Variants in PABPC4L observed in about 807,000 individuals in gnomAD.
PABPC4L encodes the protein poly(A) binding protein cytoplasmic 4 like, also known as polyadenylate-binding protein 4-like.
For synonymous variants in PABPC4L, 169 were observed against 164.1 expected (o/e 1.03, Z -0.23); for missense variants, 452 against 451.4 (o/e 1.00, Z -0.01).
chr4:134,199,059 A>C lies in PABPC4L; in HGVS notation c.*848T>G, dbSNP rs1729758810. The C allele has an allele frequency of 4.6e-5, 7 of 152,068 alleles. No individual in the cohort carries two copies. Among genetic ancestry groups the C allele is most frequent in the Admixed American group, 4.6e-4 (7 of 15,270 alleles). The allele number at this position is 152,068 out of a possible 1,614,324, so 9.4% of individuals were successfully genotyped here. A position where few individuals can be genotyped will look rare whatever the true frequency, so the allele number is the denominator to read the frequency against. ...ATAATCTGTATGTATGATTTTCATAATATTAGCATCTGGTAAAAATTTAAG... is the reference window on the plus strand; with the variant it reads ...ATAATCTGTATGTATGATTTTCATACTATTAGCATCTGGTAAAAATTTAAG... On this transcript the variant is annotated 3_prime_UTR_variant, in exon 2 of 2. Coordinates refer to ENST00000421491, the MANE Select transcript of PABPC4L (RefSeq NM_001114734.2).
At chr4:134,192,184 T>C (rs1428962567), downstream of PABPC4L, among the ~76,000 whole-genome samples, 2 of 152,038 alleles carry the variant, frequency 1.3e-5, no homozygotes, top group Non-Finnish European at 1.5e-5. Flanking sequence ...TATTATACAG[T>C]CATAAAGAGA....
At chr4:134,043,292 A>G in the PABPC4L span, among the ~76,000 whole-genome samples, 1 of 152,168 alleles carries the variant, frequency 6.6e-6, no homozygotes, top group Non-Finnish European at 1.5e-5. Context: ...TTTATCTGAA[A>G]AGTAAACTAT....
chr4:134,038,992 A>G, the PABPC4L span, among the ~76,000 whole-genome samples: 1 of 152,016 alleles, frequency 6.6e-6, no homozygotes, highest in East Asian at 1.9e-4. Context: ...ATATTGCTTT[A>G]AATGTGTCCC....
the PABPC4L span, among the ~76,000 whole-genome samples, chr4:133,957,642 A>C: frequency 6.6e-6 from 1 of 152,204 alleles, no homozygotes; most frequent in Non-Finnish European, 1.5e-5. Flanking sequence ...CTGCCCCAGC[A>C]GAGGTTCTCC....
chr4:134,139,354 G>A, the PABPC4L span, among the ~76,000 whole-genome samples: 1 of 151,890 alleles, frequency 6.6e-6, no homozygotes, highest in African/African-American at 2.4e-5. Context: ...AAGCAATGAA[G>A]CATTGTTGCT....
the PABPC4L span, among the ~76,000 whole-genome samples, chr4:134,026,448 A>C: frequency 6.6e-6 from 1 of 152,106 alleles, no homozygotes; most frequent in Non-Finnish European, 1.5e-5. Flanking sequence ...CATATTGGCC[A>C]GGAATTTTTG....
chr4:133,961,599 G>C, the PABPC4L span, among the ~76,000 whole-genome samples: 1 of 152,140 alleles, frequency 6.6e-6, no homozygotes, highest in Admixed American at 6.5e-5. Flanking sequence ...CAATGGCAAC[G>C]CCCTTTGGGT....
the PABPC4L span, among the ~76,000 whole-genome samples, chr4:134,016,963 T>A: frequency 6.6e-6 from 1 of 152,162 alleles, no homozygotes. Context: ...GTAAACACTT[T>A]CACTGGATAG....
At chr4:134,074,279 G>T in the PABPC4L span, among the ~76,000 whole-genome samples, 1 of 152,068 alleles carries the variant, frequency 6.6e-6, no homozygotes, top group Non-Finnish European at 1.5e-5. Context: ...TAGTCTCTTT[G>T]CATATGAAGG....
chr4:134,073,030 T>G, the PABPC4L span, among the ~76,000 whole-genome samples: 1 of 152,110 alleles, frequency 6.6e-6, no homozygotes, highest in Admixed American at 6.5e-5. Context: ...CATTCCACCC[T>G]GGCCCCTCCC....
chr4:133,964,214 C>T, the PABPC4L span, among the ~76,000 whole-genome samples: 126 of 151,850 alleles, frequency 8.3e-4, no homozygotes, highest in African/African-American at 2.9e-3. Flanking sequence ...AAACTTGAAA[C>T]GTAGAAGAGA....
At chr4:134,051,533 G>A in the PABPC4L span, among the ~76,000 whole-genome samples, 1 of 152,126 alleles carries the variant, frequency 6.6e-6, no homozygotes, top group South Asian at 2.1e-4. Context: ...AAGAACGGAT[G>A]TAGTCAAAAC....
At chr4:134,188,509 A>G in the PABPC4L span, among the ~76,000 whole-genome samples, 1 of 151,736 alleles carries the variant, frequency 6.6e-6, no homozygotes, top group Non-Finnish European at 1.5e-5. Context: ...AATTCTCTCA[A>G]TTTTTTTTGG....
chr4:134,038,922 C>T, the PABPC4L span, among the ~76,000 whole-genome samples: 14 of 152,140 alleles, frequency 9.2e-5, no homozygotes, highest in Admixed American at 4.6e-4. Context: ...GCTAGAATGT[C>T]GATTTTAGAT....
the PABPC4L span, among the ~76,000 whole-genome samples, chr4:133,987,179 T>C: frequency 6.6e-6 from 1 of 152,204 alleles, no homozygotes; most frequent in Non-Finnish European, 1.5e-5. Flanking sequence ...CGAAGACAAA[T>C]GTCAATACTG....
the PABPC4L span, among the ~76,000 whole-genome samples, chr4:134,044,758 AAT>A: frequency 6.6e-6 from 1 of 152,212 alleles, no homozygotes; most frequent in Non-Finnish European, 1.5e-5. Context: ...AACATATGTT[AAT>A]ATTGCAAGTT....
the PABPC4L span, among the ~76,000 whole-genome samples, chr4:134,110,698 A>T: frequency 1.3e-5 from 2 of 151,782 alleles, no homozygotes; most frequent in Non-Finnish European, 2.9e-5. Context: ...ATTGCATAAT[A>T]TTTGAATATA....
At chr4:134,045,135 T>C in the PABPC4L span, among the ~76,000 whole-genome samples, 1 of 152,142 alleles carries the variant, frequency 6.6e-6, no homozygotes, top group South Asian at 2.1e-4. Flanking sequence ...TTACTAACAT[T>C]ATGCATTTCT....
chr4:134,188,179 A>C, the PABPC4L span, among the ~76,000 whole-genome samples: 1 of 151,776 alleles, frequency 6.6e-6, no homozygotes, highest in African/African-American at 2.4e-5. Flanking sequence ...ATCCATGTCC[A>C]CTAATTAAAA....
Sources: allele counts gnomAD v4.1 joint callset (sites outside exome capture counted in the v4.1 genomes callset), GRCh38; gene constraint gnomAD v4.1.1; transcripts MANE v1.5; gene names NCBI Gene and HGNC (gene_info 2026-07-23, HGNC 2026-07-21).